The following CERT1 variants were observed in gnomAD, a reference collection of about 807,000 sequenced individuals.
The protein encoded by CERT1 is ceramide transfer protein.
Under a neutral mutation model 87.9 loss-of-function variants are expected in CERT1, and 31 were observed. The ratio of observed to expected loss-of-function variants is 0.35; its 90% CI spans 0.27 to 0.48. The LOEUF is 0.48. CERT1 is among the 20% of genes least tolerant of loss of function. The pLI is 0.99. For missense variants in CERT1, 487 were observed against 758.0 expected (o/e 0.64, Z 4.20); for synonymous variants, 289 against 250.9 (o/e 1.15, Z -1.44).
chr5:75,373,260 C>G (rs1761151152), downstream of CERT1: 1 of 152,174 alleles, frequency 6.6e-6, no homozygotes, highest in Non-Finnish European at 1.5e-5. Context: ...AAATGTCAAA[C>G]TCAGTCTGAT....
At chr5:75,478,702 T>C (rs943765416) in intron 2 of CERT1, among the ~76,000 whole-genome samples, 1 of 151,886 alleles carries the variant, frequency 6.6e-6, no homozygotes, top group East Asian at 1.9e-4. Context: ...GTAAGCACTA[T>C]CAAAGAAAGC....
At chr5:75,464,305 A>G (rs1765364335) in intron 2 of CERT1, among the ~76,000 whole-genome samples, 1 of 152,062 alleles carries the variant, frequency 6.6e-6, no homozygotes, top group Non-Finnish European at 1.5e-5. Context: ...AGGTGCAACT[A>G]GACCCCTGAA....
intron 3 of CERT1, among the ~76,000 whole-genome samples, chr5:75,429,843 G>GA (rs112893256): frequency 0.1 from 11,548 of 115,384 alleles, 536 homozygotes; most frequent in East Asian, 0.21. Context: ...AAGAAAAAAT[G>GA]AAAAAAAAAA....
intron 11 of CERT1, among the ~76,000 whole-genome samples, chr5:75,390,339 A>C (rs1392241753): frequency 6.6e-6 from 1 of 152,160 alleles, no homozygotes; most frequent in Non-Finnish European, 1.5e-5. Context: ...TTTGATTCCA[A>C]TTTCTTTGTT....
intron 3 of CERT1, among the ~76,000 whole-genome samples, chr5:75,457,968 TG>T (rs1765068556): frequency 6.7e-6 from 1 of 149,216 alleles, no homozygotes; most frequent in Non-Finnish European, 1.5e-5. Flanking sequence ...AATGTGTGTG[TG>T]TGTGTGTGTG....
At chr5:75,428,263 T>C (rs1763705441) in intron 3 of CERT1, among the ~76,000 whole-genome samples, 1 of 152,172 alleles carries the variant, frequency 6.6e-6, no homozygotes, top group African/African-American at 2.4e-5. Context: ...ACCTTAACTT[T>C]AATATTCTAG....
chr5:75,416,743 C>T, intron 7 of CERT1, 133 bp downstream of exon 7: 1 of 660,274 alleles, frequency 1.5e-6, no homozygotes, highest in Non-Finnish European at 2.5e-6. Context: ...CATAAAGCTT[C>T]AGAGTAGTAG....
intron 13 of CERT1, among the ~76,000 whole-genome samples, chr5:75,385,567 T>G (rs1199214604): frequency 6.6e-6 from 1 of 152,184 alleles, no homozygotes; most frequent in Non-Finnish European, 1.5e-5. Flanking sequence ...GAAACAGAAA[T>G]CTTCAATTTC....
At chr5:75,471,367 A>C (rs1765699367) in intron 2 of CERT1, among the ~76,000 whole-genome samples, 1 of 152,176 alleles carries the variant, frequency 6.6e-6, no homozygotes, top group Non-Finnish European at 1.5e-5. Flanking sequence ...TAAAAATAGA[A>C]ATGGTTATGC....
At chr5:75,373,162 T>C (rs1421540088), downstream of CERT1, 2 of 152,248 alleles carry the variant, frequency 1.3e-5, no homozygotes, top group East Asian at 3.8e-4. Context: ...ACATTTTCTA[T>C]GTATACTTTG....
At chr5:75,458,964 A>G (rs1409845140) in intron 3 of CERT1, 101 bp downstream of exon 3, 1 of 672,916 alleles carries the variant, frequency 1.5e-6, no homozygotes, top group Non-Finnish European at 2.7e-6. Context: ...ATAATGTTCA[A>G]TGTTTCAGTA....
intron 2 of CERT1, among the ~76,000 whole-genome samples, chr5:75,504,267 A>G (rs978090380): frequency 2.6e-5 from 4 of 152,118 alleles, no homozygotes; most frequent in Non-Finnish European, 5.9e-5. Flanking sequence ...ATATTAAACT[A>G]GATACAATTT....
chr5:75,374,085 T>C (rs1761186809), downstream of CERT1: 1 of 398,758 alleles, frequency 2.5e-6, no homozygotes, highest in South Asian at 1.3e-4. Context: ...GGCCAAGGTC[T>C]TGGGCCACAG....
intron 2 of CERT1, among the ~76,000 whole-genome samples, chr5:75,468,011 T>C (rs1485868622): frequency 6.6e-6 from 1 of 152,220 alleles, no homozygotes; most frequent in African/African-American, 2.4e-5. Flanking sequence ...CAAAAAGTGG[T>C]TGGCCCTTAG....
chr5:75,421,567 T>C (rs943284826), intron 5 of CERT1, among the ~76,000 whole-genome samples: 3 of 152,166 alleles, frequency 2.0e-5, no homozygotes, highest in African/African-American at 7.2e-5. Flanking sequence ...CAAAGATGAG[T>C]AAGATCTCAT....
intron 3 of CERT1, among the ~76,000 whole-genome samples, chr5:75,441,656 G>A (rs1764329049): frequency 6.6e-6 from 1 of 152,110 alleles, no homozygotes; most frequent in Non-Finnish European, 1.5e-5. Context: ...CACCCAATAT[G>A]AGTGGAATCA....
At chr5:75,474,834 ATGTAGT>A (rs1402319704) in intron 2 of CERT1, among the ~76,000 whole-genome samples, 21 of 60,394 alleles carry the variant, frequency 3.5e-4, no homozygotes, top group Non-Finnish European at 3.2e-4. Flanking sequence ...TAATAATCTC[ATGTAGT>A]CTATTAGACT....
At chr5:75,476,999 T>G (rs1270290813) in intron 2 of CERT1, among the ~76,000 whole-genome samples, 1 of 152,224 alleles carries the variant, frequency 6.6e-6, no homozygotes, top group Non-Finnish European at 1.5e-5. Context: ...CTTTAACTAC[T>G]GACTCCCTAT....
chr5:75,435,468 T>C (rs937117239), intron 3 of CERT1, among the ~76,000 whole-genome samples: 1 of 152,212 alleles, frequency 6.6e-6, no homozygotes, highest in Non-Finnish European at 1.5e-5. Context: ...GCTGGGGAGC[T>C]AGGTGGTAAT....
Sources: allele counts gnomAD v4.1 joint callset (sites outside exome capture counted in the v4.1 genomes callset), GRCh38; gene constraint gnomAD v4.1.1; transcripts MANE v1.5; gene names NCBI Gene and HGNC (gene_info 2026-07-23, HGNC 2026-07-21).